Variants in TFCP2 observed in about 807,000 individuals in gnomAD.
TFCP2 encodes alpha-globin transcription factor CP2.
In TFCP2, 33 loss-of-function variants were observed where a neutral mutation model predicts 73.4. The observed-to-expected ratio is 0.45, with a 90% CI of 0.34 to 0.60. The LOEUF is 0.60. TFCP2 is among the 20% of genes least tolerant of loss of function. TFCP2 has a pLI of 0.01. For synonymous variants in TFCP2, 193 were observed against 211.6 expected, an observed-to-expected ratio of 0.91 and a Z score of 0.76; for missense variants, 352 against 604.0, an observed-to-expected ratio of 0.58 and a Z score of 4.37.
chr12:51,129,837 G>GAAA (rs33944203), intron 1 of TFCP2, among the ~76,000 whole-genome samples: 6 of 151,264 alleles, frequency 4.0e-5, no homozygotes, highest in South Asian at 2.1e-4. Flanking sequence ...AAAACTGGGG[G>GAAA]AAAAAAAAAA....
At chr12:51,119,598 A>ATTCC in intron 1 of TFCP2, among the ~76,000 whole-genome samples, 1 of 151,784 alleles carries the variant, frequency 6.6e-6, no homozygotes, top group Admixed American at 6.6e-5. Flanking sequence ...TAAAAATACA[A>ATTCC]ACCTAGCTGG....
chr12:51,166,268 T>C (rs976422615), intron 1 of TFCP2, among the ~76,000 whole-genome samples: 3 of 151,904 alleles, frequency 2.0e-5, no homozygotes, highest in Admixed American at 6.6e-5. Flanking sequence ...GCTGAGACCA[T>C]GCCATTGCAC....
At chr12:51,096,963 A>ATTT (rs914464235) in intron 13 of TFCP2, among the ~76,000 whole-genome samples, 1 of 145,340 alleles carries the variant, frequency 6.9e-6, no homozygotes. Flanking sequence ...TTTTTTCTTA[A>ATTT]TTTTTTTTTT....
At chr12:51,158,424 T>G (rs1414645832) in intron 1 of TFCP2, among the ~76,000 whole-genome samples, 1 of 152,214 alleles carries the variant, frequency 6.6e-6, no homozygotes, top group Admixed American at 6.6e-5. Flanking sequence ...GCATACATAA[T>G]GACTTCTTAA....
intron 1 of TFCP2, among the ~76,000 whole-genome samples, chr12:51,151,537 C>T (rs991284613): frequency 2.6e-5 from 4 of 151,974 alleles, no homozygotes; most frequent in Admixed American, 1.3e-4. Context: ...CCCGGGTTCA[C>T]GCCATTCTCC....
intron 1 of TFCP2, among the ~76,000 whole-genome samples, chr12:51,156,658 G>C (rs933804599): frequency 6.6e-6 from 1 of 152,188 alleles, no homozygotes; most frequent in Non-Finnish European, 1.5e-5. Flanking sequence ...AATGTTGATA[G>C]AATTCACCAG....
chr12:51,107,081 A>G, intron 7 of TFCP2, 155 bp downstream of exon 7: 1 of 678,548 alleles, frequency 1.5e-6, no homozygotes, highest in South Asian at 1.9e-5. Context: ...CCAAATTCTA[A>G]AGCAATCTTC....
intron 1 of TFCP2, among the ~76,000 whole-genome samples, chr12:51,137,502 T>C (rs370569709): frequency 1.3e-5 from 2 of 152,198 alleles, no homozygotes; most frequent in African/African-American, 2.4e-5. Flanking sequence ...GGAGATTTAC[T>C]AGATATAGGC....
chr12:51,105,015 A>C (rs984991018), intron 8 of TFCP2, among the ~76,000 whole-genome samples: 3 of 146,800 alleles, frequency 2.0e-5, no homozygotes, highest in African/African-American at 7.5e-5. Context: ...CCCGGCAAAA[A>C]AAATTATTTT....
At chr12:51,147,305 T>C (rs896253350) in intron 1 of TFCP2, among the ~76,000 whole-genome samples, 23 of 151,410 alleles carry the variant, frequency 1.5e-4, no homozygotes, top group African/African-American at 4.4e-4. Flanking sequence ...ATTGCGCCAC[T>C]GCACTCCAGC....
Position 51,095,223 on chromosome 12 carries a change from G to C in TFCP2, c.*18C>G. Reference sequence around the variant, plus strand: ...AGGTGAAGGAAGGAGCAGCCACTGGGCACGAAACGCCGCACTCCTACTTCA... The same window carrying C: ...AGGTGAAGGAAGGAGCAGCCACTGGCCACGAAACGCCGCACTCCTACTTCA... On this transcript the variant is annotated 3_prime_UTR_variant, in exon 15 of 15. Coordinates refer to ENST00000257915, the MANE Select transcript of TFCP2 (RefSeq NM_005653.5). The C allele has an allele frequency of 1.2e-6, 2 of 1,613,756 alleles. No homozygotes were observed. Among genetic ancestry groups the C allele is most frequent in the Non-Finnish European group, 1.7e-6 (2 of 1,179,754 alleles).
chr12:51,164,948 A>G (rs2137048470), intron 1 of TFCP2, among the ~76,000 whole-genome samples: 1 of 152,364 alleles, frequency 6.6e-6, no homozygotes, highest in Admixed American at 6.5e-5. Context: ...CCAAATATTC[A>G]AAGAATTAAC....
intron 1 of TFCP2, among the ~76,000 whole-genome samples, chr12:51,147,342 AAAG>A (rs1278917717): frequency 1.6e-4 from 24 of 150,990 alleles, no homozygotes; most frequent in African/African-American, 4.4e-4. Flanking sequence ...CTCAAAAAAG[AAAG>A]AAAGAAAGAA....
chr12:51,165,021 G>A (rs185484138), intron 1 of TFCP2, among the ~76,000 whole-genome samples: 1 of 152,162 alleles, frequency 6.6e-6, no homozygotes, highest in East Asian at 1.9e-4. Flanking sequence ...AACGTTCTAT[G>A]AGGCCAACAT....
chr12:51,154,284 G>A (rs181915825), intron 1 of TFCP2, among the ~76,000 whole-genome samples: 24 of 152,230 alleles, frequency 1.6e-4, no homozygotes, highest in South Asian at 1.0e-3. Flanking sequence ...ATCAAACCCC[G>A]TATAGTGTGT....
chr12:51,103,231 C>T (rs1029795730), intron 10 of TFCP2, among the ~76,000 whole-genome samples: 3 of 150,864 alleles, frequency 2.0e-5, no homozygotes, highest in African/African-American at 7.3e-5. Context: ...TGCAGTGAGC[C>T]GAGATCATGC....
intron 1 of TFCP2, among the ~76,000 whole-genome samples, chr12:51,128,493 C>A (rs67155829): frequency 0.19 from 25,640 of 133,062 alleles, 2,472 homozygotes; most frequent in South Asian, 0.31. Context: ...AAAAAAAAAA[C>A]AAAAAAAACA....
At position 51,172,682 on chromosome 12, in the gene TFCP2, AACT is replaced by A. The variant is rs1941886673; in HGVS notation, c.-263_-261del. 3 of 408,194 alleles carry A rather than the reference AACT, an allele frequency of 7.3e-6. No homozygotes were observed. The Admixed American group carries it at 1.2e-4, about 16-fold the overall frequency. The allele number at this position is 408,194 out of a possible 1,614,324, so 25.3% of individuals were successfully genotyped here. On this transcript the variant is annotated 5_prime_UTR_variant, in exon 1 of 15. Coordinates refer to ENST00000257915, the MANE Select transcript of TFCP2 (RefSeq NM_005653.5). ...CAGGAACGTGAGGACCCCTTTGCTC[AACT>A]ACTGCAGACTTCCCAGAGGCAGCTC...
intron 1 of TFCP2, among the ~76,000 whole-genome samples, chr12:51,163,665 T>C (rs1429444528): frequency 6.6e-6 from 1 of 152,000 alleles, no homozygotes; most frequent in African/African-American, 2.4e-5. Context: ...CTCATGCCTT[T>C]AATCCCAACA....
Sources: gnomAD v4.1 joint callset for allele counts (sites outside exome capture counted in the v4.1 genomes callset) on GRCh38, gnomAD v4.1.1 for gene constraint, MANE v1.5 for transcripts, NCBI Gene and HGNC (gene_info 2026-07-23, HGNC 2026-07-21) for gene names.